Variants in TNFRSF1B observed in about 807,000 individuals in gnomAD.
TNFRSF1B encodes the protein TNF receptor superfamily member 1B, also known as tumor necrosis factor receptor superfamily member 1B.
A neutral mutation model predicts 44.6 loss-of-function variants in TNFRSF1B; 19 were observed. The ratio of observed to expected loss-of-function variants is 0.43; its 90% CI spans 0.30 to 0.62. The LOEUF (loss-of-function observed/expected upper bound fraction) is 0.62. Ranked by LOEUF, TNFRSF1B falls within the 20% of genes least tolerant of loss-of-function variation. The probability of loss-of-function intolerance (pLI) is 0.16; values close to 1 mark genes in which losing one functional copy is unlikely to be tolerated. For synonymous variants in TNFRSF1B, 252 were observed against 261.1 expected (o/e 0.97, Z 0.34); for missense variants, 541 against 619.9 (o/e 0.87, Z 1.35).
intron 1 of TNFRSF1B, among the ~76,000 whole-genome samples, chr1:12,185,613 G>A (rs138516670): frequency 4.6e-5 from 7 of 152,346 alleles, no homozygotes; most frequent in Non-Finnish European, 1.0e-4. Context: ...ACCCTGTTAT[G>A]CAGCATGGTT....
chr1:12,203,264 C>A (rs1208797653), intron 9 of TNFRSF1B, among the ~76,000 whole-genome samples: 1 of 152,192 alleles, frequency 6.6e-6, no homozygotes, highest in Non-Finnish European at 1.5e-5. Context: ...GCTATAGCGC[C>A]TCCTTGCCAG....
rs1423051955 is a variant in TNFRSF1B at position 12,206,864 on chromosome 1, C to T, written c.1230C>T (p.Ser410=). The T allele has an allele frequency of 1.2e-6, 2 of 1,614,118 alleles. No homozygotes were observed. The highest frequency in any genetic ancestry group is 1.7e-6 in the Non-Finnish European group (2 of 1,180,046). ...GCTCCACAATGGGAGACACAGATTCCAGCCCCTCGGAGTCCCCGAAGGACG... is the reference window on the plus strand; with the variant it reads ...GCTCCACAATGGGAGACACAGATTCTAGCCCCTCGGAGTCCCCGAAGGACG... ...QASSTMGDTD[S]SPSESPKDEQ... The change falls in exon 10 of 10, where the codon TCC becomes TCT. Residue 410 remains serine (S), a synonymous_variant. Coordinates refer to ENST00000376259, the MANE Select transcript of TNFRSF1B (RefSeq NM_001066.3).
At chr1:12,206,372 A>G (rs1639502550) in intron 9 of TNFRSF1B, among the ~76,000 whole-genome samples, 2 of 151,630 alleles carry the variant, frequency 1.3e-5, no homozygotes, top group African/African-American at 4.8e-5. Context: ...AAAAAAAAAA[A>G]AAAAAGACAG....
At chr1:12,167,726 C>T (rs1473978696) in intron 1 of TNFRSF1B, among the ~76,000 whole-genome samples, 1 of 152,206 alleles carries the variant, frequency 6.6e-6, no homozygotes, top group African/African-American at 2.4e-5. Context: ...ACTGAGGGCA[C>T]AGCTGGAGGG....
At chr1:12,193,881 T>C in intron 6 of TNFRSF1B, 74 bp from the exon 7 acceptor site, 1 of 1,267,048 alleles carries the variant, frequency 7.9e-7, no homozygotes. Context: ...CTTGGGTCCC[T>C]GGCTTGCCTG....
In TNFRSF1B at chr1:12,201,951, C is replaced by G. The variant is rs758775305; in HGVS notation, c.901-16C>G. On this transcript the variant is annotated splice_polypyrimidine_tract_variant and intron_variant, in intron 8 of 9. Transcript: ENST00000376259. Reference sequence around the variant, plus strand: ...GTGGGCTGACTGCTCTCCCCTACCACCCCCTGCCCATCCAGCCTCACTTGC... The same window carrying G: ...GTGGGCTGACTGCTCTCCCCTACCAGCCCCTGCCCATCCAGCCTCACTTGC... 5 of 1,595,550 alleles carry G rather than the reference C, an allele frequency of 3.1e-6. No individual in the cohort carries two copies. Among genetic ancestry groups the G allele is most frequent in the East Asian group, 2.3e-5 (1 of 44,078 alleles).
chr1:12,176,564 T>C (rs1253196702), intron 1 of TNFRSF1B, among the ~76,000 whole-genome samples: 1 of 152,168 alleles, frequency 6.6e-6, no homozygotes, highest in Non-Finnish European at 1.5e-5. Flanking sequence ...GGCTGCCTGC[T>C]AAGAGGGGAG....
chr1:12,191,090 G>C lies in TNFRSF1B; in HGVS notation c.307+5G>C. ...GTGGCTCCCGCTGTAGCTCTGGTGAGTAGGTTCAGAGAAAAAGGGGGCCCT... is the reference window on the plus strand; with the variant it reads ...GTGGCTCCCGCTGTAGCTCTGGTGACTAGGTTCAGAGAAAAAGGGGGCCCT... On this transcript the variant is annotated splice_donor_5th_base_variant and intron_variant, in intron 3 of 9. Transcript: ENST00000376259. 1 of 1,613,446 alleles carries C rather than the reference G, an allele frequency of 6.2e-7. No homozygotes were observed. Among genetic ancestry groups the C allele is most frequent in the Non-Finnish European group, 8.5e-7 (1 of 1,179,526 alleles).
At chr1:12,205,749 G>A (rs992858340) in intron 9 of TNFRSF1B, among the ~76,000 whole-genome samples, 1 of 152,124 alleles carries the variant, frequency 6.6e-6, no homozygotes, top group Non-Finnish European at 1.5e-5. Flanking sequence ...AGCCTCCCGA[G>A]TAGCTGGGAT....
intron 1 of TNFRSF1B, among the ~76,000 whole-genome samples, chr1:12,172,273 G>C (rs535053190): frequency 1.3e-5 from 2 of 152,348 alleles, no homozygotes; most frequent in East Asian, 3.9e-4. Flanking sequence ...CTGGGGAAAG[G>C]CCCCGGCCTC....
At chr1:12,181,956 A>G (rs1449623085) in intron 1 of TNFRSF1B, among the ~76,000 whole-genome samples, 1 of 152,186 alleles carries the variant, frequency 6.6e-6, no homozygotes, top group Non-Finnish European at 1.5e-5. Flanking sequence ...TGCTTAGAGC[A>G]TCAACCAGGC....
chr1:12,183,826 C>CCTAT (rs111395466), intron 1 of TNFRSF1B, among the ~76,000 whole-genome samples: 8,344 of 124,512 alleles, frequency 0.067, 630 homozygotes, highest in African/African-American at 0.11. Flanking sequence ...ATTCTATCTA[C>CCTAT]CTATCTATCT....
At chr1:12,190,801 A>G (rs1639099470) in intron 2 of TNFRSF1B, among the ~76,000 whole-genome samples, 156 bp from the exon 3 acceptor site, 2 of 151,898 alleles carry the variant, frequency 1.3e-5, no homozygotes, top group African/African-American at 4.8e-5. Flanking sequence ...TAGCTGGTAC[A>G]ATACTAGATG....
rs1196186135 is a variant in TNFRSF1B, at chr1:12,192,928, C to A, written c.617C>A (p.Thr206Asn). The A allele has an allele frequency of 6.2e-7, 1 of 1,614,070 alleles. No individual in the cohort carries two copies. Among genetic ancestry groups the A allele is most frequent in the Non-Finnish European group, 8.5e-7 (1 of 1,180,038 alleles). Reference protein sequence around the residue: ...MDAVCTSTSPTRSMAPGAVHL... With the variant: ...MDAVCTSTSPNRSMAPGAVHL... ...GCAGTCTGCACGTCCACGTCCCCCA[C>A]CCGGAGTATGGCCCCAGGGGCAGTA... is the stretch of plus-strand genomic sequence containing the variant. The change falls in exon 6 of 10, where the codon ACC (threonine) becomes AAC (asparagine). Residue 206 changes from threonine (T) to asparagine (N), a missense_variant. By Grantham distance (65) the Thr-to-Asn change is moderately conservative. Coordinates refer to ENST00000376259, the MANE Select transcript of TNFRSF1B (RefSeq NM_001066.3).
chr1:12,175,148 C>T lies in TNFRSF1B; in HGVS notation c.78+7979C>T, dbSNP rs1011239533. Among the ~76,000 whole-genome samples, 8 of 152,282 alleles carry T rather than the reference C, an allele frequency of 5.3e-5. No individual in the cohort carries two copies. The East Asian group carries it at 9.7e-4, about 18-fold the overall frequency. On this transcript the variant is annotated intron_variant, in intron 1 of 9. Coordinates refer to ENST00000376259, the MANE Select transcript of TNFRSF1B (RefSeq NM_001066.3). ...CATCTTCCGAGCTGTCAGCGGGAGGCCTTCTTGAAGGTCTTTCAGGAGCAA... is the reference window on the plus strand; with the variant it reads ...CATCTTCCGAGCTGTCAGCGGGAGGTCTTCTTGAAGGTCTTTCAGGAGCAA...
chr1:12,198,707 T>TTTTTTTTTTTTC (rs1639324995), intron 8 of TNFRSF1B, among the ~76,000 whole-genome samples: 1 of 146,460 alleles, frequency 6.8e-6, no homozygotes, highest in Non-Finnish European at 1.5e-5. Context: ...TTTTTTTTTT[T>TTTTTTTTTTTTC]TGAGAAAGAG....
chr1:12,167,940 C>T (rs961637033), intron 1 of TNFRSF1B, among the ~76,000 whole-genome samples: 4 of 152,200 alleles, frequency 2.6e-5, no homozygotes, highest in Non-Finnish European at 4.4e-5. Context: ...ACAGTAGCAA[C>T]GGGCGTACAA....
At chr1:12,206,717 C>G (rs555457691) in intron 9 of TNFRSF1B, 23 bp from the exon 10 acceptor site, 17 of 1,549,578 alleles carry the variant, frequency 1.1e-5, no homozygotes, top group Non-Finnish European at 1.4e-5. Flanking sequence ...GGACTGACCC[C>G]CACCCCATCT....
chr1:12,183,566 AATCTATC>A (rs1638859297), intron 1 of TNFRSF1B, among the ~76,000 whole-genome samples: 1 of 150,738 alleles, frequency 6.6e-6, no homozygotes, highest in Non-Finnish European at 1.5e-5. Flanking sequence ...CTATTTATCT[AATCTATC>A]ATCTATCTAG....
Sources: gnomAD v4.1 joint callset for allele counts (sites outside exome capture counted in the v4.1 genomes callset) on GRCh38, gnomAD v4.1.1 for gene constraint, MANE v1.5 for transcripts, NCBI Gene and HGNC (gene_info 2026-07-23, HGNC 2026-07-21) for gene names.